Variants in YAE1 observed in about 807,000 individuals in gnomAD.
The protein encoded by YAE1 is protein YAE1 homolog.
Under a neutral mutation model 23.0 loss-of-function variants are expected in YAE1, and 22 were observed. That is an observed-to-expected ratio of 0.96 (90% confidence interval 0.68 to 1.37). YAE1 has a LOEUF of 1.37. Among genes scored for constraint, YAE1 ranks in the 40% most tolerant of loss-of-function variants. The pLI is 0.00. For missense variants in YAE1, 260 were observed against 262.1 expected, an observed-to-expected ratio of 0.99 and a Z score of 0.06; for synonymous variants, 101 against 97.0, an observed-to-expected ratio of 1.04 and a Z score of -0.24.
exon 3 of YAE1, chr7:39,609,962 C>A (rs1432105355): frequency 1.3e-6 from 2 of 1,519,256 alleles, no homozygotes; most frequent in Non-Finnish European, 1.8e-6. Flanking sequence ...ATAATAGAAT[C>A]ATTATCAGAG....
chr7:39,569,966 A>G, intron 1 of YAE1: 1 of 1,336,528 alleles, frequency 7.5e-7, no homozygotes, highest in Non-Finnish European at 1.1e-6. Context: ...TCACAACATT[A>G]ACCTCAGATC....
At chr7:39,605,751 T>G (rs542350778) in intron 2 of YAE1, among the ~76,000 whole-genome samples, 2 of 152,298 alleles carry the variant, frequency 1.3e-5, no homozygotes, top group East Asian at 3.9e-4. Flanking sequence ...GTTGGTTCTG[T>G]TTCTCTGCAG....
At chr7:39,578,243 G>C (rs1055450070) in intron 2 of YAE1, among the ~76,000 whole-genome samples, 15 of 152,162 alleles carry the variant, frequency 9.9e-5, no homozygotes, top group Non-Finnish European at 2.9e-5. Flanking sequence ...TCTAGCTAAG[G>C]GATTGTAAAT....
At chr7:39,568,930 A>G (rs1047155143) in intron 1 of YAE1, among the ~76,000 whole-genome samples, 2 of 152,228 alleles carry the variant, frequency 1.3e-5, no homozygotes, top group African/African-American at 4.8e-5. Flanking sequence ...ACTGAAATAT[A>G]TATTTCTTGA....
In YAE1 at chr7:39,609,930, TC is replaced by T; in HGVS notation, c.567del (p.Glu190LysfsTer22). 1 of 1,526,124 alleles carries T rather than the reference TC, an allele frequency of 6.6e-7. No individual in the cohort carries two copies. The highest frequency in any genetic ancestry group is 1.4e-5 in the African/African-American group (1 of 72,472). 94.5% of individuals were successfully genotyped at this position (1,526,124 alleles called of 1,614,324 possible). A position where few individuals can be genotyped will look rare whatever the true frequency, so the allele number is the denominator to read the frequency against. On this transcript the variant is annotated frameshift_variant, in exon 3 of 3. Transcript: ENST00000432096. LOFTEE classifies it high-confidence loss of function. ...CTGGCCGCCAGAGGCACCTTCCAAC[TC>T]CGAAACACATTTTTCAACATATAAT... is the stretch of plus-strand genomic sequence containing the variant.
At chr7:39,592,218 A>C (rs1383141634) in intron 2 of YAE1, among the ~76,000 whole-genome samples, 1 of 152,222 alleles carries the variant, frequency 6.6e-6, no homozygotes, top group African/African-American at 2.4e-5. Context: ...TTGCTGGATC[A>C]TATGGTAAGA....
rs568411919 is a variant in YAE1, at chr7:39,569,250, C to G, written c.130-1256C>G. On this transcript the variant is annotated intron_variant, in intron 1 of 2. Transcript: ENST00000223273. ...TGCTTTTATGTTCTGAATGTAGAGTCTTCAATTTAATGACAATCTAGACTG... is the reference window on the plus strand; with the variant it reads ...TGCTTTTATGTTCTGAATGTAGAGTGTTCAATTTAATGACAATCTAGACTG... The G allele has an allele frequency of 8.4e-5, 18 of 214,894 alleles. No homozygotes were observed. In the Admixed American group the frequency reaches 1.0e-3, roughly 12 times the overall value. The allele number at this position is 214,894 out of a possible 1,614,324, so 13.3% of individuals were successfully genotyped here.
At chr7:39,587,062 T>C (rs1307329665) in intron 2 of YAE1, among the ~76,000 whole-genome samples, 1 of 151,930 alleles carries the variant, frequency 6.6e-6, no homozygotes, top group East Asian at 1.9e-4. Flanking sequence ...TTTCTCTTTC[T>C]TTCTTTCTTT....
chr7:39,580,391 A>G (rs1263003527), intron 2 of YAE1, among the ~76,000 whole-genome samples: 1 of 152,228 alleles, frequency 6.6e-6, no homozygotes, highest in African/African-American at 2.4e-5. Context: ...CTCAGTGTGT[A>G]ACACTCCGTT....
At chr7:39,568,542 T>C (rs1160064678) in intron 1 of YAE1, among the ~76,000 whole-genome samples, 1 of 152,160 alleles carries the variant, frequency 6.6e-6, no homozygotes, top group Non-Finnish European at 1.5e-5. Context: ...GCAAGAATGA[T>C]TTAAAATCTG....
chr7:39,605,829 G>T (rs547970191), intron 2 of YAE1, among the ~76,000 whole-genome samples: 8 of 152,160 alleles, frequency 5.3e-5, no homozygotes, highest in African/African-American at 1.2e-4. Context: ...TAGGTAAATC[G>T]AGTATGTTCT....
downstream of YAE1, among the ~76,000 whole-genome samples, chr7:39,611,266 CT>C (rs1397056810): frequency 1.3e-5 from 2 of 152,130 alleles, no homozygotes; most frequent in African/African-American, 4.8e-5. Flanking sequence ...GGAGACTGGC[CT>C]TTGACACATG....
chr7:39,588,821 GT>G (rs5883698), intron 2 of YAE1, among the ~76,000 whole-genome samples: 2 of 149,608 alleles, frequency 1.3e-5, no homozygotes, highest in Admixed American at 6.7e-5. Flanking sequence ...ATAATTTTAG[GT>G]TTTTTTTTTC....
chr7:39,610,238 T>C, exon 3 of YAE1: 1 of 567,860 alleles, frequency 1.8e-6, no homozygotes, highest in Admixed American at 3.0e-5. Flanking sequence ...ATGAGCAGAT[T>C]ATGCGACCAT....
chr7:39,578,663 C>T (rs1053610514), intron 2 of YAE1, among the ~76,000 whole-genome samples: 5 of 152,184 alleles, frequency 3.3e-5, no homozygotes, highest in South Asian at 2.1e-4. Context: ...ACCATGAACC[C>T]GCCAGAAGAA....
chr7:39,585,156 T>TAGAA (rs1790797933), intron 2 of YAE1, among the ~76,000 whole-genome samples: 1 of 152,260 alleles, frequency 6.6e-6, no homozygotes, highest in Non-Finnish European at 1.5e-5. Context: ...CAGGTACGTC[T>TAGAA]GCCATATGGG....
intron 2 of YAE1, among the ~76,000 whole-genome samples, chr7:39,586,589 C>G (rs1790817317): frequency 6.6e-6 from 1 of 151,200 alleles, no homozygotes; most frequent in African/African-American, 2.4e-5. Flanking sequence ...GCTCCGCCTC[C>G]CAGGTTGATG....
chr7:39,611,977 T>C (rs1284180981), downstream of YAE1, among the ~76,000 whole-genome samples: 2 of 152,244 alleles, frequency 1.3e-5, no homozygotes, highest in African/African-American at 2.4e-5. Context: ...AGATTCCTTA[T>C]TAATGAATGT....
intron 2 of YAE1, 71 bp from the exon 3 acceptor site, chr7:39,572,203 ATTG>A: frequency 7.0e-7 from 1 of 1,419,572 alleles, no homozygotes; most frequent in Non-Finnish European, 9.4e-7. Flanking sequence ...CAATCGTTTA[ATTG>A]TTATTGAAAG....
Sources: allele counts gnomAD v4.1 joint callset (sites outside exome capture counted in the v4.1 genomes callset), GRCh38; gene constraint gnomAD v4.1.1; transcripts MANE v1.5; gene names NCBI Gene and HGNC (gene_info 2026-07-23, HGNC 2026-07-21).